Variants in KCP observed in about 807,000 individuals in gnomAD.
The protein encoded by KCP is kielin/chordin-like protein.
KCP carries 194 observed loss-of-function variants against 212.7 expected under a neutral mutation model. The ratio of observed to expected loss-of-function variants is 0.91; its 90% confidence interval spans 0.81 to 1.03. KCP has a LOEUF of 1.03. Among genes scored for constraint, KCP ranks in the 50% least tolerant of loss-of-function variants. The probability of loss-of-function intolerance (pLI) is 0.00; values close to 1 mark genes in which losing one functional copy is unlikely to be tolerated. For synonymous variants in KCP, 833 were observed against 865.3 expected (o/e 0.96, Z 0.65); for missense variants, 2,080 against 2,162.5 (o/e 0.96, Z 0.76).
chr7:128,879,659 C>G lies in KCP; in HGVS notation c.4045-36G>C, dbSNP rs144854141. On this transcript the variant is annotated intron_variant, in intron 36 of 39. Transcript: ENST00000610776. ...AAGGAGGTGGGAGGAGGGGTGATGT[C>G]GAGGCACATGGGTGGACAGCACAGG... is the stretch of plus-strand genomic sequence containing the variant. 5.9e-4 allele frequency: 912 copies of G among 1,549,280 alleles called. 5 individuals carry two copies. In the African/African-American group the frequency reaches 0.011, roughly 19 times the overall value.
At chr7:128,901,401 C>T (rs1042606347) in intron 8 of KCP, among the ~76,000 whole-genome samples, 14 of 152,118 alleles carry the variant, frequency 9.2e-5, no homozygotes, top group East Asian at 1.9e-4. Flanking sequence ...CAGAGGGGGG[C>T]GGATCACGAG....
At position 128,884,774 on chromosome 7, in the gene KCP, C is replaced by T. The variant is rs971032310; in HGVS notation, c.3123+7G>A. On this transcript the variant is annotated splice_region_variant and intron_variant, in intron 28 of 39. Transcript: ENST00000610776. ...TGCCCCAGCCCCACCACTGTGCCCT[C>T]ACCTACCTCGCAGATGCACACTTCA... 62 of 1,550,958 alleles carry T rather than the reference C, an allele frequency of 4.0e-5. No homozygotes were observed. The highest frequency in any genetic ancestry group is 5.3e-5 in the Non-Finnish European group (61 of 1,146,920).
intron 8 of KCP, among the ~76,000 whole-genome samples, chr7:128,901,621 G>A (rs902752929): frequency 4.8e-5 from 7 of 145,740 alleles, no homozygotes; most frequent in East Asian, 1.9e-4. Flanking sequence ...GCAAGACTCC[G>A]CCTCAAAAAA....
At chr7:128,878,743 C>T (rs948775072) in intron 37 of KCP, 21 bp from the exon 38 acceptor site, 2 of 1,544,680 alleles carry the variant, frequency 1.3e-6, no homozygotes, top group Non-Finnish European at 1.7e-6. Context: ...AGGCCTGAGA[C>T]TGGGGAGCAG....
At chr7:128,901,165 A>G (rs1794820303) in intron 8 of KCP, among the ~76,000 whole-genome samples, 1 of 152,234 alleles carries the variant, frequency 6.6e-6, no homozygotes, top group African/African-American at 2.4e-5. Context: ...TACAAATGCC[A>G]TGGCAATGTC....
At chr7:128,886,350 G>T in intron 26 of KCP, 114 bp downstream of exon 26, 1 of 857,608 alleles carries the variant, frequency 1.2e-6, no homozygotes, top group Non-Finnish European at 1.8e-6. Flanking sequence ...GCAAGGGCCA[G>T]TTGTTGGGGC....
intron 8 of KCP, among the ~76,000 whole-genome samples, chr7:128,894,846 G>C (rs1482172771): frequency 6.6e-6 from 1 of 152,178 alleles, no homozygotes; most frequent in African/African-American, 2.4e-5. Flanking sequence ...GGCCTCAGGT[G>C]ATCCACCTGT....
intron 7 of KCP, chr7:128,903,171 G>T: frequency 2.3e-6 from 1 of 433,306 alleles, no homozygotes; most frequent in East Asian, 4.3e-5. Context: ...CACCCTCCGT[G>T]TCAGGGCCAC....
chr7:128,901,953 A>G (rs1554417016), intron 8 of KCP, among the ~76,000 whole-genome samples: 1 of 152,160 alleles, frequency 6.6e-6, no homozygotes, highest in Non-Finnish European at 1.5e-5. Flanking sequence ...TTACCCTTTG[A>G]GGCCTAAGTA....
chr7:128,892,341 C>G (rs539697703), intron 16 of KCP, among the ~76,000 whole-genome samples, 173 bp downstream of exon 16: 1 of 152,256 alleles, frequency 6.6e-6, no homozygotes, highest in South Asian at 2.1e-4. Flanking sequence ...ACAAATCTCT[C>G]TACTCTCCCT....
Position 128,881,958 on chromosome 7 carries a change from G to C in KCP, c.3303C>G (p.Pro1101=). The C allele has an allele frequency of 6.4e-7, 1 of 1,551,398 alleles. No homozygotes were observed. Among genetic ancestry groups the C allele is most frequent in the Non-Finnish European group, 8.7e-7 (1 of 1,146,954 alleles). The part of the protein sequence containing the change: ...LLGSELAPPD[P]CYTCQCQDLT... The stretch of plus-strand genomic sequence containing the variant: ...TCACCTGGCACTGGCACGTGTAGCA[G>C]GGGTCTGGTGGGGCTAGCTCAGATC... The change falls in exon 30 of 40, where the codon CCC becomes CCG. Residue 1101 remains proline (P), a synonymous_variant. Coordinates refer to ENST00000610776, the MANE Select transcript of KCP (RefSeq NM_001366122.1).
chr7:128,882,040 G>A (rs1048481591), intron 29 of KCP, 24 bp from the exon 30 acceptor site: 2 of 1,534,146 alleles, frequency 1.3e-6, no homozygotes, highest in African/African-American at 1.4e-5. Context: ...AATCCAGAGT[G>A]CGGGACAGAA....
chr7:128,906,282 G>T lies in KCP; in HGVS notation c.568C>A (p.Pro190Thr). 6.4e-7 allele frequency: 1 copy of T among 1,550,700 alleles called. No individual in the cohort carries two copies. Among genetic ancestry groups the T allele is most frequent in the Non-Finnish European group, 8.7e-7 (1 of 1,146,328 alleles). ...CTGAGACTGGCAGGAGGCTGACCTG[G>T]CTTACAGTGCGGGCAGCATGCTCCT... ...EPGACCPHCK[P>T]GCDYEGQLYE... is the part of the protein sequence containing the mutation. Residue 190 changes from proline to threonine, a missense_variant, in exon 5 of 40, where the codon CCA becomes ACA. Pro to Thr is a conservative substitution (Grantham distance 38). Transcript: ENST00000610776.
intron 36 of KCP, 30 bp from the exon 37 acceptor site, chr7:128,879,653 T>C: frequency 6.5e-7 from 1 of 1,548,912 alleles, no homozygotes; most frequent in Non-Finnish European, 8.7e-7. Context: ...GGAGGAGGGG[T>C]GATGTCGAGG....
rs767158565 is a variant in KCP, at chr7:128,910,587, G to A, written c.76+14C>T. 3.3e-6 allele frequency: 5 copies of A among 1,510,518 alleles called. No homozygotes were observed. The highest frequency in any genetic ancestry group is 2.1e-5 in the Admixed American group (1 of 48,770). The allele number at this position is 1,510,518 out of a possible 1,614,324, so 93.6% of individuals were successfully genotyped here. A position where few individuals can be genotyped will look rare whatever the true frequency, so the allele number is the denominator to read the frequency against. On this transcript the variant is annotated intron_variant, in intron 1 of 39. Transcript: ENST00000610776. ...CACCTGGCCGGACCCCAAGCCTCCC[G>A]CACCTGGACTCACCTTCCGCGCCCG...
Position 128,894,048 on chromosome 7 carries a change from G to T in KCP, c.933C>A (p.Phe311Leu), listed in dbSNP as rs1438480253. The T allele has an allele frequency of 7.1e-6, 11 of 1,549,642 alleles. No homozygotes were observed. Among genetic ancestry groups the T allele is most frequent in the Non-Finnish European group, 9.6e-6 (11 of 1,146,164 alleles). Residue 311 changes from phenylalanine to leucine, a missense_variant, in exon 10 of 40, where the codon TTC (phenylalanine) becomes TTA (leucine). Coordinates refer to ENST00000610776, the MANE Select transcript of KCP (RefSeq NM_001366122.1). Reference sequence around the variant, plus strand: ...CGCTGCGGTGCTCCCGCCCGTTTAGGAAACAGCCTGTTGGGAAGGGGGGCC... The same window carrying T: ...CGCTGCGGTGCTCCCGCCCGTTTAGTAAACAGCCTGTTGGGAAGGGGGGCC... ...GTCCPVCDGC[F>L]LNGREHRSGE...
intron 17 of KCP, 43 bp downstream of exon 17, chr7:128,891,603 T>G (rs563384942): frequency 6.6e-7 from 1 of 1,510,788 alleles, no homozygotes; most frequent in East Asian, 2.5e-5. Flanking sequence ...CCGGGGGCCA[T>G]GCCATCCCAT....
intron 17 of KCP, 26 bp from the exon 18 acceptor site, chr7:128,891,559 G>C: frequency 6.5e-7 from 1 of 1,542,500 alleles, no homozygotes; most frequent in Non-Finnish European, 8.8e-7. Context: ...GCTATAGCCT[G>C]GGAGAGGGCG....
chr7:128,906,691 G>C (rs1348080256), intron 4 of KCP, among the ~76,000 whole-genome samples: 1 of 152,156 alleles, frequency 6.6e-6, no homozygotes, highest in Non-Finnish European at 1.5e-5. Context: ...TGTGGCAACT[G>C]GTGAGGGAGA....
Sources: gnomAD v4.1 joint callset for allele counts (sites outside exome capture counted in the v4.1 genomes callset) on GRCh38, gnomAD v4.1.1 for gene constraint, MANE v1.5 for transcripts, NCBI Gene and HGNC (gene_info 2026-07-23, HGNC 2026-07-21) for gene names.